The following OSBPL9 variants were observed in gnomAD, a reference collection of about 807,000 sequenced individuals.
OSBPL9 encodes the protein oxysterol binding protein like 9.
Under a neutral mutation model 106.6 loss-of-function variants are expected in OSBPL9, and 40 were observed. The observed-to-expected ratio is 0.38, with a 90% CI of 0.29 to 0.49. OSBPL9 has a LOEUF of 0.49. Among genes scored for constraint, OSBPL9 ranks in the 20% least tolerant of loss-of-function variants. OSBPL9 has a pLI of 0.97. For synonymous variants in OSBPL9, 269 were observed against 295.4 expected (o/e 0.91, Z 0.92); for missense variants, 609 against 887.2 (o/e 0.69, Z 3.98).
chr1:51,560,868 C>T, the OSBPL9 span: 12 of 152,214 alleles, frequency 7.9e-5, no homozygotes, highest in African/African-American at 2.9e-4. Flanking sequence ...TCTCTGATTT[C>T]CCTTTATCCC....
chr1:51,669,822 ATCT>A (rs1399041726), intron 3 of OSBPL9: 7 of 508,482 alleles, frequency 1.4e-5, no homozygotes, highest in African/African-American at 5.8e-5. Context: ...AAGGTTGCTG[ATCT>A]TCTTTATCAA....
At chr1:51,559,365 C>T in the OSBPL9 span, among the ~76,000 whole-genome samples, 1 of 151,952 alleles carries the variant, frequency 6.6e-6, no homozygotes, top group Non-Finnish European at 1.5e-5. Flanking sequence ...AGAAAACATG[C>T]TCGCAAGGGT....
At chr1:51,701,080 C>T (rs1657127851) in intron 3 of OSBPL9, among the ~76,000 whole-genome samples, 1 of 152,140 alleles carries the variant, frequency 6.6e-6, no homozygotes, top group African/African-American at 2.4e-5. Context: ...GCTGAGATTA[C>T]AGGCACCCAC....
At chr1:51,748,591 C>A (rs780585353) in intron 7 of OSBPL9, among the ~76,000 whole-genome samples, 193 bp downstream of exon 7, 5 of 151,940 alleles carry the variant, frequency 3.3e-5, no homozygotes, top group Non-Finnish European at 5.9e-5. Context: ...GCCCCTTAAT[C>A]GAAATTGACT....
At chr1:51,772,257 A>G in intron 13 of OSBPL9, 75 bp downstream of exon 13, 1 of 1,254,396 alleles carries the variant, frequency 8.0e-7, no homozygotes. Context: ...TCATGCCGTA[A>G]TCCCAGCACT....
intron 14 of OSBPL9, 127 bp from the exon 15 acceptor site, chr1:51,776,706 A>C: frequency 1.6e-6 from 1 of 641,782 alleles, no homozygotes; most frequent in Non-Finnish European, 2.7e-6. Flanking sequence ...ATGCCTGGGC[A>C]ATATGTGGTG....
chr1:51,675,897 T>C (rs1184842190), intron 3 of OSBPL9, among the ~76,000 whole-genome samples: 1 of 152,198 alleles, frequency 6.6e-6, no homozygotes, highest in East Asian at 1.9e-4. Context: ...GTTTATTTTA[T>C]GAGTTTTAAC....
chr1:51,595,886 A>C (rs1387948572), intron 1 of OSBPL9, among the ~76,000 whole-genome samples: 1 of 152,110 alleles, frequency 6.6e-6, no homozygotes, highest in African/African-American at 2.4e-5. Context: ...ACAGAGATGG[A>C]ATAGGGGCTA....
chr1:51,786,703 T>A, intron 22 of OSBPL9, 86 bp downstream of exon 22: 1 of 1,072,398 alleles, frequency 9.3e-7, no homozygotes, highest in Non-Finnish European at 1.4e-6. Flanking sequence ...TGAGAGACAG[T>A]AGGGCAGAGC....
chr1:51,705,540 A>C (rs1658368264), intron 3 of OSBPL9, among the ~76,000 whole-genome samples: 1 of 147,848 alleles, frequency 6.8e-6, no homozygotes, highest in Admixed American at 6.8e-5. Flanking sequence ...CAGCCTCCCG[A>C]GAGTAGCTGG....
intron 4 of OSBPL9, among the ~76,000 whole-genome samples, chr1:51,730,963 A>G (rs1264820457): frequency 6.6e-6 from 1 of 152,152 alleles, no homozygotes; most frequent in Non-Finnish European, 1.5e-5. Flanking sequence ...CACTGCCTGT[A>G]TTGAACTAAG....
intron 1 of OSBPL9, among the ~76,000 whole-genome samples, chr1:51,650,146 GA>G (rs1298998577): frequency 6.6e-6 from 1 of 152,070 alleles, no homozygotes; most frequent in Non-Finnish European, 1.5e-5. Flanking sequence ...CAAAGTGCTG[GA>G]TTAGGAAATT....
chr1:51,730,135 C>T lies in OSBPL9; in HGVS notation c.319-15401C>T, dbSNP rs975584295. The stretch of plus-strand genomic sequence containing the variant: ...CCGCCGCCCCCTGGGGTGAGTAGGA[C>T]GACGTGGCTGCCCGGGCCCCTCTTC... On this transcript the variant is annotated intron_variant, in intron 4 of 23. Transcript: ENST00000428468. The T allele has an allele frequency of 2.8e-5, 35 of 1,246,636 alleles. No individual in the cohort carries two copies. The African/African-American group carries it at 5.3e-4, about 19-fold the overall frequency. 77.2% of individuals were successfully genotyped at this position (1,246,636 alleles called of 1,614,324 possible). A position where few individuals can be genotyped will look rare whatever the true frequency, so the allele number is the denominator to read the frequency against.
intron 2 of OSBPL9, among the ~76,000 whole-genome samples, chr1:51,610,248 T>C (rs1643977619): frequency 7.2e-6 from 1 of 138,634 alleles, no homozygotes; most frequent in Non-Finnish European, 1.5e-5. Flanking sequence ...CTGATATTTG[T>C]TGTTGTTGTT....
chr1:51,681,984 C>A (rs764409410), intron 3 of OSBPL9, among the ~76,000 whole-genome samples: 5 of 151,996 alleles, frequency 3.3e-5, no homozygotes, highest in African/African-American at 4.8e-5. Flanking sequence ...GGCAGATCAC[C>A]TGAGGTCAGG....
chr1:51,756,864 C>T (rs577979044), intron 9 of OSBPL9: 2 of 152,246 alleles, frequency 1.3e-5, no homozygotes, highest in South Asian at 4.1e-4. Flanking sequence ...AATTCTTTCT[C>T]TTATAACCAT....
intron 2 of OSBPL9, among the ~76,000 whole-genome samples, chr1:51,660,110 T>C (rs1647046033): frequency 2.6e-5 from 4 of 152,228 alleles, no homozygotes; most frequent in African/African-American, 7.2e-5. Flanking sequence ...TAAATGAAAC[T>C]GGATCAATTG....
At chr1:51,680,091 T>C (rs962624330) in intron 3 of OSBPL9, among the ~76,000 whole-genome samples, 21 of 152,012 alleles carry the variant, frequency 1.4e-4, no homozygotes, top group African/African-American at 4.8e-4. Context: ...CCCTCTCCAC[T>C]AAAAATACAA....
intron 6 of OSBPL9, among the ~76,000 whole-genome samples, chr1:51,747,854 A>T (rs1325906343): frequency 1.3e-5 from 2 of 152,060 alleles, no homozygotes; most frequent in Non-Finnish European, 2.9e-5. Flanking sequence ...CAGTGGCGTG[A>T]TCTCGGCTCA....
Sources: gnomAD v4.1 joint callset for allele counts (sites outside exome capture counted in the v4.1 genomes callset) on GRCh38, gnomAD v4.1.1 for gene constraint, MANE v1.5 for transcripts, NCBI Gene and HGNC (gene_info 2026-07-23, HGNC 2026-07-21) for gene names.